Variants in NDUFAF7 observed in about 807,000 individuals in gnomAD.
The protein encoded by NDUFAF7 is protein arginine methyltransferase NDUFAF7, mitochondrial.
In NDUFAF7, 48 loss-of-function variants were observed where a neutral mutation model predicts 47.2. That is an observed-to-expected ratio of 1.02 (90% confidence interval 0.81 to 1.29). The LOEUF (loss-of-function observed/expected upper bound fraction) is 1.29. NDUFAF7 is among the 50% of genes most tolerant of loss of function. The probability of loss-of-function intolerance (pLI) is 0.00; values close to 1 mark genes in which losing one functional copy is unlikely to be tolerated. For missense variants in NDUFAF7, 635 were observed against 537.6 expected (o/e 1.18, Z -1.79); for synonymous variants, 217 against 190.0 (o/e 1.14, Z -1.17).
At chr2:37,246,550 A>G (rs1010686925) in intron 8 of NDUFAF7, among the ~76,000 whole-genome samples, 1 of 152,198 alleles carries the variant, frequency 6.6e-6, no homozygotes, top group African/African-American at 2.4e-5. Flanking sequence ...ACTTCTTTAC[A>G]GATTTAAACT....
chr2:37,257,673 A>G (rs1382017805), downstream of NDUFAF7, among the ~76,000 whole-genome samples: 1 of 116,510 alleles, frequency 8.6e-6, no homozygotes, highest in African/African-American at 5.2e-5. Flanking sequence ...TCTCAAAAGA[A>G]AAAAAAAAAA....
chr2:37,253,942 C>T (rs1455814490), downstream of NDUFAF7, among the ~76,000 whole-genome samples: 1 of 152,126 alleles, frequency 6.6e-6, no homozygotes, highest in African/African-American at 2.4e-5. Context: ...ATTAATATGT[C>T]ATACTAATCT....
chr2:37,264,751 A>G, the NDUFAF7 span, among the ~76,000 whole-genome samples: 1 of 152,202 alleles, frequency 6.6e-6, no homozygotes, highest in African/African-American at 2.4e-5. Flanking sequence ...GGGGGGAAAA[A>G]AAAAGACTCA....
intron 5 of NDUFAF7, chr2:37,242,293 G>A (rs1666431500): frequency 3.6e-6 from 1 of 277,802 alleles, no homozygotes; most frequent in Non-Finnish European, 6.9e-6. Flanking sequence ...GGGATCTCAA[G>A]CCATTCCTGC....
At chr2:37,264,476 A>G in the NDUFAF7 span, among the ~76,000 whole-genome samples, 1 of 143,892 alleles carries the variant, frequency 6.9e-6, no homozygotes, top group East Asian at 2.1e-4. Context: ...TATGAAGGTG[A>G]TAAGTGCCAT....
chr2:37,232,296 C>T (rs764074087), intron 2 of NDUFAF7, 30 bp downstream of exon 2: 9 of 1,611,624 alleles, frequency 5.6e-6, no homozygotes, highest in South Asian at 4.4e-5. Context: ...AGGACTAGGC[C>T]CTCTCTAGCC....
the NDUFAF7 span, among the ~76,000 whole-genome samples, chr2:37,265,811 A>T: frequency 6.6e-6 from 1 of 152,216 alleles, no homozygotes; most frequent in African/African-American, 2.4e-5. Context: ...AACCAAAATG[A>T]TATAATAATG....
intron 7 of NDUFAF7, 74 bp from the exon 8 acceptor site, chr2:37,245,978 A>C: frequency 6.5e-7 from 1 of 1,528,846 alleles, no homozygotes; most frequent in Non-Finnish European, 9.0e-7. Flanking sequence ...TCATTGAGGA[A>C]AAACCTGAAA....
chr2:37,257,660 C>CT (rs1440688597), downstream of NDUFAF7, among the ~76,000 whole-genome samples: 2 of 91,202 alleles, frequency 2.2e-5, no homozygotes, highest in Non-Finnish European at 4.1e-5. Context: ...AGTGAAGACT[C>CT]TGTCTCAAAA....
At position 37,241,669 on chromosome 2, in the gene NDUFAF7, T is replaced by G; in HGVS notation, c.500T>G (p.Leu167Trp). The G allele has an allele frequency of 6.2e-7, 1 of 1,614,066 alleles. No individual in the cohort carries two copies. The highest frequency in any genetic ancestry group is 8.5e-7 in the Non-Finnish European group (1 of 1,179,998). The change falls in exon 5 of 10, where the codon TTG becomes TGG. Residue 167 changes from leucine (L) to tryptophan (W), a missense_variant. Transcript: ENST00000002125. The stretch of plus-strand genomic sequence containing the variant: ...CAAAAATTAAGTGAGATTCAAGCAT[T>G]GACACTGACTAAAGAGAAGGTCCCG... ...VSQKLSEIQALTLTKEKVPLE... is the reference protein window; with the variant it reads ...VSQKLSEIQAWTLTKEKVPLE...
At chr2:37,264,760 C>A in the NDUFAF7 span, among the ~76,000 whole-genome samples, 2 of 151,918 alleles carry the variant, frequency 1.3e-5, no homozygotes, top group Non-Finnish European at 2.9e-5. Flanking sequence ...AAAAAAGACT[C>A]AATTTGTTGT....
the NDUFAF7 span, chr2:37,260,130 C>T: frequency 4.9e-6 from 6 of 1,212,134 alleles, no homozygotes; most frequent in Non-Finnish European, 3.4e-6. Flanking sequence ...CACCACTGCA[C>T]TCCAGCCCAG....
the NDUFAF7 span, among the ~76,000 whole-genome samples, chr2:37,262,465 TA>T: frequency 6.6e-6 from 1 of 152,230 alleles, no homozygotes; most frequent in Non-Finnish European, 1.5e-5. Context: ...ACTTGTTTGC[TA>T]ATCATTTTAA....
In NDUFAF7 at chr2:37,241,766, C is replaced by T. The variant is rs1036142307; in HGVS notation, c.597C>T (p.Tyr199=). 7 of 1,613,668 alleles carry T rather than the reference C, an allele frequency of 4.3e-6. No individual in the cohort carries two copies. The African/African-American group carries it at 9.3e-5, about 22-fold the overall frequency. Residue 199 remains tyrosine (Y), a synonymous_variant, in exon 5 of 10, where the codon TAC becomes TAT. Coordinates refer to ENST00000002125, the MANE Select transcript of NDUFAF7 (RefSeq NM_144736.5). The part of the protein sequence containing the change: ...VTKSGIPISW[Y]RDLHDVPKGY... ...AGTCTGGGATTCCAATTTCCTGGTA[C>T]CGAGATCTGCACGATGTTCCAAAAG...
At chr2:37,244,064 C>G in intron 7 of NDUFAF7, 91 bp downstream of exon 7, 1 of 1,138,086 alleles carries the variant, frequency 8.8e-7, no homozygotes, top group Non-Finnish European at 1.3e-6. Context: ...TTTAGAGTTC[C>G]TTTACAGGAA....
chr2:37,248,308 T>G lies in NDUFAF7; in HGVS notation c.1284T>G (p.Phe428Leu), dbSNP rs756815553. 1.2e-6 allele frequency: 2 copies of G among 1,614,184 alleles called. No homozygotes were observed. Among genetic ancestry groups the G allele is most frequent in the Non-Finnish European group, 1.7e-6 (2 of 1,180,012 alleles). ...GGAATGCACGTCAGTCAAAACCCTT[T>G]GCATCCGTTGTAGCTGGGTTTAGTG... ...YQRNARQSKP[F>L]ASVVAGFSEL... is the part of the protein sequence containing the mutation. The change falls in exon 10 of 10, where the codon TTT becomes TTG. Residue 428 changes from phenylalanine (F) to leucine (L), a missense_variant. Phe to Leu is a conservative substitution (Grantham distance 22, BLOSUM62 0). Coordinates refer to ENST00000002125, the MANE Select transcript of NDUFAF7 (RefSeq NM_144736.5).
chr2:37,239,963 T>C (rs1358012871), intron 4 of NDUFAF7, among the ~76,000 whole-genome samples: 3 of 152,196 alleles, frequency 2.0e-5, no homozygotes, highest in African/African-American at 7.2e-5. Flanking sequence ...TATTCTCTCT[T>C]GTATCATTGT....
chr2:37,247,610 G>T lies in NDUFAF7; in HGVS notation c.1091G>T (p.Gly364Val). 1.2e-6 allele frequency: 2 copies of T among 1,613,906 alleles called. No homozygotes were observed. Among genetic ancestry groups the T allele is most frequent in the South Asian group, 1.1e-5 (1 of 91,074 alleles). Residue 364 changes from glycine (G) to valine (V), a missense_variant, in exon 9 of 10, where the codon GGT (glycine) becomes GTT (valine). Gly to Val is a moderately radical substitution (Grantham distance 109, BLOSUM62 -3). Coordinates refer to ENST00000002125, the MANE Select transcript of NDUFAF7 (RefSeq NM_144736.5). Reference protein sequence around the residue: ...IKQHTFLKNMGIDVRLKVLLD... With the variant: ...IKQHTFLKNMVIDVRLKVLLD... ...CAACACACATTTTTAAAAAATATGG[G>T]TATTGATGTCCGGCTGAAGGTAAGG...
intron 4 of NDUFAF7, among the ~76,000 whole-genome samples, chr2:37,240,641 A>G (rs1366101062): frequency 6.6e-6 from 1 of 152,294 alleles, no homozygotes; most frequent in Non-Finnish European, 1.5e-5. Context: ...AAAATATTTA[A>G]TAAGGACCTC....
Sources: allele counts gnomAD v4.1 joint callset (sites outside exome capture counted in the v4.1 genomes callset), GRCh38; gene constraint gnomAD v4.1.1; transcripts MANE v1.5; gene names NCBI Gene and HGNC (gene_info 2026-07-23, HGNC 2026-07-21).